Variants in FTO observed in about 807,000 individuals in gnomAD.
FTO encodes the protein alpha-ketoglutarate-dependent dioxygenase FTO.
In FTO, 47 loss-of-function variants were observed where a neutral mutation model predicts 63.9. The ratio of observed to expected loss-of-function variants is 0.74; its 90% CI spans 0.58 to 0.94. FTO has a LOEUF of 0.94. Among genes scored for constraint, FTO ranks in the 40% least tolerant of loss-of-function variants. The probability of loss-of-function intolerance (pLI) is 0.00; values close to 1 mark genes in which losing one functional copy is unlikely to be tolerated. For synonymous variants in FTO, 207 were observed against 224.4 expected, an observed-to-expected ratio of 0.92 and a Z score of 0.69; for missense variants, 562 against 618.1, an observed-to-expected ratio of 0.91 and a Z score of 0.96.
intron 8 of FTO, among the ~76,000 whole-genome samples, chr16:54,096,721 A>G (rs1482922644): frequency 6.6e-6 from 1 of 152,212 alleles, no homozygotes; most frequent in Non-Finnish European, 1.5e-5. Flanking sequence ...TTCAGCCCCA[A>G]TTAATATGAC....
Position 53,728,793 on chromosome 16 carries a change from C to T in FTO, c.45+24564C>T, listed in dbSNP as rs777947695. ...TTTTTTTTTTTTTGTCAGGGAGTCT[C>T]GCTCTGTCACCCAGACTGAAGTGCA... On this transcript the variant is annotated intron_variant, in intron 1 of 8. Coordinates refer to ENST00000471389, the MANE Select transcript of FTO (RefSeq NM_001080432.3). Among the ~76,000 whole-genome samples, 6 of 143,528 alleles carry T rather than the reference C, an allele frequency of 4.2e-5. 1 individual carries two copies. The highest frequency in any genetic ancestry group is 7.8e-5 in the African/African-American group (3 of 38,650). 94.2% of individuals were successfully genotyped at this position (143,528 alleles called of 152,430 possible). A position where few individuals can be genotyped will look rare whatever the true frequency, so the allele number is the denominator to read the frequency against.
In FTO at chr16:53,883,644, A is replaced by AC. The variant is rs1346578765; in HGVS notation, c.1119+3657_1119+3658insC. ...TCTCAAAAAAAAAAAAACAAAAAAA[A>AC]AAAAACAAATTTGTCTGCTTCAGAA... On this transcript the variant is annotated intron_variant, in intron 6 of 8. Transcript: ENST00000471389. Among the ~76,000 whole-genome samples the AC allele has an allele frequency of 9.1e-4, 137 of 150,770 alleles. 1 individual carries two copies. The highest frequency in any genetic ancestry group is 3.4e-3 in the Middle Eastern group (1 of 294).
intron 8 of FTO, among the ~76,000 whole-genome samples, chr16:54,103,908 A>G (rs531312353): frequency 6.6e-6 from 1 of 152,222 alleles, no homozygotes; most frequent in Non-Finnish European, 1.5e-5. Context: ...AAAACAGTGC[A>G]ATGGAGTGTC....
intron 7 of FTO, chr16:53,923,231 T>C (rs2082051075): frequency 6.6e-6 from 1 of 152,222 alleles, no homozygotes; most frequent in South Asian, 2.1e-4. Flanking sequence ...GTACTGTATG[T>C]GAAAGATTTA....
At chr16:53,809,419 C>A (rs2078461442) in intron 1 of FTO, among the ~76,000 whole-genome samples, 1 of 151,978 alleles carries the variant, frequency 6.6e-6, no homozygotes. Flanking sequence ...TTTGGTATTT[C>A]CAGTGATAGT....
intron 8 of FTO, among the ~76,000 whole-genome samples, chr16:53,968,352 T>C (rs1879012553): frequency 6.6e-6 from 1 of 152,226 alleles, no homozygotes; most frequent in South Asian, 2.1e-4. Flanking sequence ...GGTTGATTCC[T>C]CAGTCCTAAG....
chr16:53,789,894 C>T (rs961135323), intron 1 of FTO, among the ~76,000 whole-genome samples: 2 of 16,492 alleles, frequency 1.2e-4, no homozygotes, highest in Non-Finnish European at 2.1e-4. Flanking sequence ...TATACATATA[C>T]GTATATATAT....
At chr16:54,088,639 G>T (rs747997310) in intron 8 of FTO, among the ~76,000 whole-genome samples, 16 of 152,178 alleles carry the variant, frequency 1.1e-4, no homozygotes, top group Non-Finnish European at 2.1e-4. Flanking sequence ...AAATACGGCA[G>T]TGAATTAAAT....
At chr16:53,881,015 G>A (rs12922605) in intron 6 of FTO, among the ~76,000 whole-genome samples, 8,612 of 150,446 alleles carry the variant, frequency 0.057, 332 homozygotes, top group Non-Finnish European at 0.082. Context: ...CCAGTTACTC[G>A]GGAGGCTGAA....
At chr16:53,823,715 C>T (rs1354107805) in intron 2 of FTO, among the ~76,000 whole-genome samples, 1 of 152,042 alleles carries the variant, frequency 6.6e-6, no homozygotes, top group Non-Finnish European at 1.5e-5. Flanking sequence ...GGAGAAACCC[C>T]GTCTCTACTA....
At chr16:53,939,055 G>A (rs1011373835) in intron 8 of FTO, among the ~76,000 whole-genome samples, 1 of 152,042 alleles carries the variant, frequency 6.6e-6, no homozygotes, top group Non-Finnish European at 1.5e-5. Flanking sequence ...CCGAGATGAC[G>A]CCACTGCACT....
chr16:53,824,853 A>T (rs1350150679), intron 2 of FTO, among the ~76,000 whole-genome samples: 1 of 152,210 alleles, frequency 6.6e-6, no homozygotes, highest in Non-Finnish European at 1.5e-5. Context: ...TTACAAATAA[A>T]TCAGTTGCAT....
intron 8 of FTO, among the ~76,000 whole-genome samples, chr16:54,056,724 G>A (rs2085443019): frequency 6.6e-6 from 1 of 152,184 alleles, no homozygotes; most frequent in Non-Finnish European, 1.5e-5. Flanking sequence ...AGCCTCAGGT[G>A]ACTGCAGCCC....
chr16:53,762,153 T>C (rs13336126), intron 1 of FTO, among the ~76,000 whole-genome samples: 2,299 of 152,300 alleles, frequency 0.015, 59 homozygotes, highest in African/African-American at 0.052. Flanking sequence ...TTTCTGTAGA[T>C]AGCCTGTTTC....
At chr16:53,811,636 C>T (rs946170173) in intron 2 of FTO, among the ~76,000 whole-genome samples, 2 of 152,156 alleles carry the variant, frequency 1.3e-5, no homozygotes, top group South Asian at 2.1e-4. Context: ...TGGCAACCCT[C>T]TGCTTCAAAT....
intron 8 of FTO, chr16:53,994,004 C>T (rs979732936): frequency 3.9e-5 from 6 of 152,152 alleles, no homozygotes; most frequent in Non-Finnish European, 7.4e-5. Context: ...GTTTATAAAC[C>T]TAGTTCATAG....
At chr16:53,804,780 T>G (rs1167629029) in intron 1 of FTO, among the ~76,000 whole-genome samples, 1 of 151,976 alleles carries the variant, frequency 6.6e-6, no homozygotes, top group East Asian at 1.9e-4. Context: ...CATGGCCGGC[T>G]AATTTTTGTA....
At chr16:53,931,270 T>A (rs2082274586) in intron 7 of FTO, among the ~76,000 whole-genome samples, 1 of 151,604 alleles carries the variant, frequency 6.6e-6, no homozygotes, top group East Asian at 1.9e-4. Context: ...ATAATATGTA[T>A]CCACAGATAT....
intron 1 of FTO, among the ~76,000 whole-genome samples, chr16:53,706,877 A>T (rs2075636638): frequency 6.6e-6 from 1 of 152,214 alleles, no homozygotes; most frequent in Non-Finnish European, 1.5e-5. Flanking sequence ...TGTTTTTACC[A>T]TTCATGTATG....
Sources: allele counts gnomAD v4.1 joint callset (sites outside exome capture counted in the v4.1 genomes callset), GRCh38; gene constraint gnomAD v4.1.1; transcripts MANE v1.5; gene names NCBI Gene and HGNC (gene_info 2026-07-23, HGNC 2026-07-21).